ROBO2: variants seen among roughly 807,000 people sequenced by gnomAD.
ROBO2 encodes roundabout homolog 2.
ROBO2 carries 53 observed loss-of-function variants against 160.8 expected under a neutral mutation model. That is an observed-to-expected ratio of 0.33 (90% CI 0.26 to 0.41). The LOEUF (loss-of-function observed/expected upper bound fraction) is 0.41, where lower values mean the gene tolerates loss of function less well. ROBO2 is among the 10% of genes least tolerant of loss of function. The pLI is 1.00. For missense variants in ROBO2, 1,577 were observed against 1,722.4 expected (o/e 0.92, Z 1.49); for synonymous variants, 664 against 611.7 (o/e 1.09, Z -1.26).
chr3:77,509,921 C>T (rs994365084), intron 5 of ROBO2, among the ~76,000 whole-genome samples: 6 of 151,960 alleles, frequency 3.9e-5, no homozygotes, highest in African/African-American at 1.4e-4. Context: ...AATCCCGTGT[C>T]AGCATAAGCA....
At chr3:76,220,176 G>T (rs1390977028) in intron 2 of ROBO2, among the ~76,000 whole-genome samples, 45 of 143,528 alleles carry the variant, frequency 3.1e-4, no homozygotes, top group African/African-American at 1.1e-3. Flanking sequence ...GGGGCCTGTT[G>T]TGGGGTTGGG....
intron 2 of ROBO2, among the ~76,000 whole-genome samples, chr3:77,296,249 A>T (rs1050512687): frequency 6.6e-6 from 1 of 151,798 alleles, no homozygotes; most frequent in African/African-American, 2.4e-5. Context: ...GACATAAAGT[A>T]GAATTGATGG....
At chr3:76,362,907 T>C (rs2075604769) in intron 2 of ROBO2, among the ~76,000 whole-genome samples, 2 of 152,084 alleles carry the variant, frequency 1.3e-5, no homozygotes, top group South Asian at 4.1e-4. Context: ...CACTTGTGTA[T>C]GCTGATTCTT....
intron 2 of ROBO2, among the ~76,000 whole-genome samples, chr3:76,687,901 C>A (rs1272312378): frequency 6.6e-6 from 1 of 152,018 alleles, no homozygotes; most frequent in Non-Finnish European, 1.5e-5. Context: ...TCTCCTTAAA[C>A]ACCACAATTT....
Position 76,844,866 on chromosome 3 carries a change from G to A in ROBO2, c.110-253148G>A, listed in dbSNP as rs968666739. On this transcript the variant is annotated intron_variant, in intron 2 of 26. Transcript: ENST00000487694. ...CTACATATGAAAAATCAACAAAGTA[G>A]TAGTGACTTTAGATGAGTATAAAGC... 3.3e-5 allele frequency among the ~76,000 whole-genome samples: 5 copies of A among 150,342 alleles called. No homozygotes were observed. The South Asian group carries it at 6.4e-4, about 19-fold the overall frequency.
At chr3:77,481,669 A>G (rs909608270) in intron 4 of ROBO2, among the ~76,000 whole-genome samples, 5 of 152,310 alleles carry the variant, frequency 3.3e-5, no homozygotes, top group African/African-American at 1.2e-4. Context: ...TCAACTCTTG[A>G]TAAATATACT....
At chr3:77,197,584 C>A (rs986956670) in intron 2 of ROBO2, among the ~76,000 whole-genome samples, 1 of 152,188 alleles carries the variant, frequency 6.6e-6, no homozygotes, top group African/African-American at 2.4e-5. Context: ...ACACTGCTGA[C>A]CTTTATGCTT....
chr3:77,569,220 A>G (rs568321504), intron 13 of ROBO2, among the ~76,000 whole-genome samples: 6 of 152,128 alleles, frequency 3.9e-5, no homozygotes, highest in Admixed American at 3.3e-4. Flanking sequence ...ATTTTGATAA[A>G]CTGCCAAAAT....
chr3:77,001,088 G>A (rs572813251), intron 2 of ROBO2, among the ~76,000 whole-genome samples: 1 of 152,100 alleles, frequency 6.6e-6, no homozygotes, highest in Non-Finnish European at 1.5e-5. Flanking sequence ...GGTGAATGTT[G>A]GTTTCACCTA....
exon 17 of ROBO2, chr3:77,588,764 A>G: frequency 6.2e-7 from 1 of 1,613,312 alleles, no homozygotes; most frequent in Non-Finnish European, 8.5e-7. Context: ...GACGCAATGA[A>G]GTTGTCATTA....
chr3:76,866,367 G>A (rs888393900), intron 2 of ROBO2, among the ~76,000 whole-genome samples: 4 of 152,038 alleles, frequency 2.6e-5, no homozygotes, highest in African/African-American at 7.2e-5. Context: ...ATCACATAAA[G>A]TGTTTACATT....
chr3:77,295,848 T>C (rs1226203727), intron 2 of ROBO2, among the ~76,000 whole-genome samples: 1 of 144,682 alleles, frequency 6.9e-6, no homozygotes, highest in Non-Finnish European at 1.5e-5. Context: ...GGTAAACGGG[T>C]AAGCTGAGGC....
At chr3:76,177,802 G>T (rs758923317) in intron 2 of ROBO2, among the ~76,000 whole-genome samples, 2 of 152,086 alleles carry the variant, frequency 1.3e-5, no homozygotes, top group Admixed American at 6.6e-5. Flanking sequence ...ATGGATAACA[G>T]ATAGTAGGGT....
chr3:76,943,430 C>G (rs563858571), intron 2 of ROBO2, among the ~76,000 whole-genome samples: 1 of 152,150 alleles, frequency 6.6e-6, no homozygotes, highest in East Asian at 1.9e-4. Flanking sequence ...TTTCAGCCTG[C>G]CTTTAATGAT....
intron 2 of ROBO2, among the ~76,000 whole-genome samples, chr3:76,956,786 G>C (rs899585136): frequency 6.6e-6 from 1 of 152,046 alleles, no homozygotes; most frequent in African/African-American, 2.4e-5. Context: ...AAATCCCAGG[G>C]CCCAACCTCA....
intron 1 of ROBO2, among the ~76,000 whole-genome samples, chr3:77,073,878 G>A (rs2067667792): frequency 2.0e-5 from 3 of 152,182 alleles, no homozygotes; most frequent in Admixed American, 2.0e-4. Context: ...GAGTAGTGAA[G>A]CTTTATGCCT....
rs189006362 is a variant in ROBO2, at chr3:76,040,232, T to A, written c.109+102630T>A. 1.1e-3 allele frequency among the ~76,000 whole-genome samples: 170 copies of A among 152,008 alleles called. 5 individuals carry two copies. The highest frequency in any genetic ancestry group is 3.9e-3 in the African/African-American group (162 of 41,434). On this transcript the variant is annotated intron_variant, in intron 2 of 26. Transcript: ENST00000487694. ...AATGTAAAACATTTTTAAATATTTT[T>A]AAATTTATTTATAAACCTTTATAAC... is the stretch of plus-strand genomic sequence containing the variant.
chr3:75,966,389 A>T lies in ROBO2; in HGVS notation c.109+28787A>T, dbSNP rs1279899295. On this transcript the variant is annotated intron_variant, in intron 2 of 26. Coordinates refer to the ROBO2 transcript ENST00000487694. ...CAATTATGGTAAATTAAAAGTTGTA[A>T]AACTAAATGTTTTTAGATCAACAGT... Among the ~76,000 whole-genome samples, 8 of 151,878 alleles carry T rather than the reference A, an allele frequency of 5.3e-5. No individual in the cohort carries two copies. In the East Asian group the frequency reaches 1.4e-3, roughly 26 times the overall value.
chr3:76,479,788 C>T (rs986246257), intron 2 of ROBO2, among the ~76,000 whole-genome samples: 12 of 152,158 alleles, frequency 7.9e-5, no homozygotes, highest in Admixed American at 7.9e-4. Flanking sequence ...GTGACTTGCC[C>T]AGGGTCTCAC....
Sources: allele counts gnomAD v4.1 joint callset (sites outside exome capture counted in the v4.1 genomes callset), GRCh38; gene constraint gnomAD v4.1.1; transcripts MANE v1.5; gene names NCBI Gene and HGNC (gene_info 2026-07-23, HGNC 2026-07-21).